CPT1C: variants seen among roughly 807,000 people sequenced by gnomAD.
The protein encoded by CPT1C is palmitoyl thioesterase CPT1C.
In CPT1C, 61 loss-of-function variants were observed where a neutral mutation model predicts 97.3. The observed-to-expected ratio is 0.63, with a 90% CI of 0.51 to 0.78. The LOEUF is 0.78. Ranked by LOEUF, CPT1C falls within the 30% of genes least tolerant of loss-of-function variation. The probability of loss-of-function intolerance (pLI) is 0.00; values close to 1 mark genes in which losing one functional copy is unlikely to be tolerated. For missense variants in CPT1C, 975 were observed against 1,065.5 expected, an observed-to-expected ratio of 0.92 and a Z score of 1.18; for synonymous variants, 469 against 447.2, an observed-to-expected ratio of 1.05 and a Z score of -0.61.
At chr19:49,704,653 G>A in intron 7 of CPT1C, 57 bp from the exon 8 acceptor site, 1 of 1,375,882 alleles carries the variant, frequency 7.3e-7, no homozygotes, top group East Asian at 2.3e-5. Flanking sequence ...CTGTCCTACT[G>A]TCCCTCCCCC....
chr19:49,695,287 T>A (rs1035890053), intron 3 of CPT1C, among the ~76,000 whole-genome samples: 1 of 150,682 alleles, frequency 6.6e-6, no homozygotes, highest in African/African-American at 2.4e-5. Context: ...AATTTTTTTT[T>A]TTTTTTTTTT....
chr19:49,693,233 C>T (rs2082454484), intron 3 of CPT1C, among the ~76,000 whole-genome samples: 1 of 152,140 alleles, frequency 6.6e-6, no homozygotes, highest in Non-Finnish European at 1.5e-5. Context: ...GTAACCAGCA[C>T]CCATGTCTGT....
In CPT1C at chr19:49,706,692, G is replaced by C. The variant is rs2083518629; in HGVS notation, c.1343+279G>C. 6.6e-6 allele frequency among the ~76,000 whole-genome samples: 1 copy of C among 152,032 alleles called. No homozygotes were observed. The highest frequency in any genetic ancestry group is 2.1e-4 in the South Asian group (1 of 4,810). ...CCCCTGAGCTGGACCCTCCGACCCAGAGAACTCAGCATCACAGACCCAGAG... is the reference window on the plus strand; with the variant it reads ...CCCCTGAGCTGGACCCTCCGACCCACAGAACTCAGCATCACAGACCCAGAG... On this transcript the variant is annotated intron_variant, in intron 12 of 19. Coordinates refer to ENST00000598293, the MANE Select transcript of CPT1C (RefSeq NM_001199753.2). The surrounding 1 kb of genome is among the most constrained non-coding windows in gnomAD (Gnocchi z 4.8).
chr19:49,695,155 A>G (rs2082594225), intron 3 of CPT1C, among the ~76,000 whole-genome samples: 1 of 151,698 alleles, frequency 6.6e-6, no homozygotes, highest in Admixed American at 6.6e-5. Flanking sequence ...AAAAACAAAC[A>G]TGTGGCCATC....
intron 3 of CPT1C, 66 bp downstream of exon 3, chr19:49,692,459 C>T: frequency 6.3e-7 from 1 of 1,579,782 alleles, no homozygotes; most frequent in Non-Finnish European, 8.7e-7. Flanking sequence ...ATGTCTGAGG[C>T]TCACTTCCGG....
At chr19:49,710,247 CA>C (rs1353577737) in intron 14 of CPT1C, 72 bp from the exon 15 acceptor site, 1 of 1,473,784 alleles carries the variant, frequency 6.8e-7, no homozygotes. Flanking sequence ...CCTCCGCTTC[CA>C]GCCTTATTCC....
rs764608433 is a variant in CPT1C, at chr19:49,705,218, T to C, written c.884T>C (p.Leu295Ser). ...ACAGCCCACGGTTTCCTGCAGACTT[T>C]GCTGATGGGAATGCGCCCCTTATGC... ...RLNRQEIPPT[L>S]LMGMRPLCSA... The change falls in exon 10 of 20, where the codon TTG becomes TCG. Residue 295 changes from leucine (L) to serine (S), a missense_variant. Around this residue, in one of 3 missense-constraint regions of CPT1C, gnomAD observed 596 missense variants for 603.1 expected, o/e 0.99. Coordinates refer to ENST00000598293, the MANE Select transcript of CPT1C (RefSeq NM_001199753.2). 8 of 1,614,140 alleles carry C rather than the reference T, an allele frequency of 5.0e-6. No individual in the cohort carries two copies. The highest frequency in any genetic ancestry group is 6.8e-6 in the Non-Finnish European group (8 of 1,180,006).
chr19:49,713,374 A>T (rs1290568900), intron 19 of CPT1C, 46 bp from the exon 20 acceptor site: 2 of 1,536,542 alleles, frequency 1.3e-6, no homozygotes, highest in Non-Finnish European at 1.8e-6. Context: ...AGCCTCCAGG[A>T]TCCCATCTCC....
At chr19:49,699,136 A>G (rs967576146) in intron 4 of CPT1C, among the ~76,000 whole-genome samples, 6 of 151,958 alleles carry the variant, frequency 3.9e-5, no homozygotes, top group African/African-American at 1.5e-4. Flanking sequence ...CCTGTCATAT[A>G]GTCAGTAGAG....
intron 15 of CPT1C, 30 bp downstream of exon 15, chr19:49,710,514 G>T: frequency 6.2e-7 from 1 of 1,613,568 alleles, no homozygotes; most frequent in Non-Finnish European, 8.5e-7. Flanking sequence ...CACAGCCCCC[G>T]CAGGGTCTCA....
intron 3 of CPT1C, among the ~76,000 whole-genome samples, chr19:49,694,829 C>T (rs889614098): frequency 1.3e-5 from 2 of 151,934 alleles, no homozygotes; most frequent in Non-Finnish European, 2.9e-5. Context: ...GCCAGTCTAC[C>T]AACTAAAGTG....
Position 49,710,860 on chromosome 19 carries a change from G to A in CPT1C, c.1866+3G>A, listed in dbSNP as rs1348307396. On this transcript the variant is annotated splice_donor_region_variant and intron_variant, in intron 16 of 19. Coordinates refer to ENST00000598293, the MANE Select transcript of CPT1C (RefSeq NM_001199753.2). ...CCATGGAGGACAAAGAGAAGACGGT[G>A]GGTGCAGCCCTCGCTTGAGGCTTCA... 11 of 1,610,250 alleles carry A rather than the reference G, an allele frequency of 6.8e-6. No individual in the cohort carries two copies. The East Asian group carries it at 2.0e-4, about 29-fold the overall frequency.
chr19:49,690,710 T>G (rs2082317000), upstream of CPT1C: 4 of 497,540 alleles, frequency 8.0e-6, no homozygotes, highest in East Asian at 1.3e-4. The surrounding 1 kb of genome is among the most constrained non-coding windows in gnomAD (Gnocchi z 4.4). Flanking sequence ...CTGTGGCGCC[T>G]TTCTTGCCAA....
At chr19:49,694,094 AT>A (rs1201956186) in intron 3 of CPT1C, among the ~76,000 whole-genome samples, 149 of 92,208 alleles carry the variant, frequency 1.6e-3, no homozygotes, top group Admixed American at 4.9e-3. Context: ...TAAAAAATAA[AT>A]AAATAAATAA....
In CPT1C at chr19:49,710,467, C is replaced by T; in HGVS notation, c.1714C>T (p.Gln572Ter). The change falls in exon 15 of 20, where the codon CAA (glutamine) becomes TAA (stop). Residue 572 changes from glutamine (Q) to a stop codon, truncating the protein, a stop_gained. Coordinates refer to ENST00000598293, the MANE Select transcript of CPT1C (RefSeq NM_001199753.2). LOFTEE classifies it high-confidence loss of function. ...SSDSFIQIAL[Q>*]LAHFRDRGQF... ...AGACAGCTTCATCCAGATCGCCTTG[C>T]AACTGGCCCACTTCCGGGTCAGTTG... The T allele has an allele frequency of 6.2e-7, 1 of 1,614,204 alleles. No individual in the cohort carries two copies. Among genetic ancestry groups the T allele is most frequent in the Non-Finnish European group, 8.5e-7 (1 of 1,180,042 alleles).
chr19:49,693,168 G>A (rs991375015), intron 3 of CPT1C, among the ~76,000 whole-genome samples: 1 of 152,140 alleles, frequency 6.6e-6, no homozygotes, highest in African/African-American at 2.4e-5. Flanking sequence ...ATGAGCCACC[G>A]CGCCCGGCCC....
intron 3 of CPT1C, 52 bp downstream of exon 3, chr19:49,692,445 C>A: frequency 6.2e-7 from 1 of 1,602,132 alleles, no homozygotes; most frequent in Non-Finnish European, 8.5e-7. Flanking sequence ...TTTCTGCTTC[C>A]GGGATGTCTG....
Sources: allele counts gnomAD v4.1 joint callset (sites outside exome capture counted in the v4.1 genomes callset), GRCh38; gene constraint gnomAD v4.1.1; regional missense constraint gnomAD v4.1.1; non-coding constraint Gnocchi (gnomAD v3.1); transcripts MANE v1.5; gene names NCBI Gene and HGNC (gene_info 2026-07-23, HGNC 2026-07-21).